Variants in ARMH4 observed in about 807,000 individuals in gnomAD.
ARMH4 encodes armadillo like helical domain containing 4.
A neutral mutation model predicts 61.9 loss-of-function variants in ARMH4; 49 were observed. The observed-to-expected ratio is 0.79, with a 90% CI of 0.63 to 1.00. ARMH4 has a LOEUF of 1.00. Among genes scored for constraint, ARMH4 ranks in the 50% least tolerant of loss-of-function variants. The probability of loss-of-function intolerance (pLI) is 0.00; values close to 1 mark genes in which losing one functional copy is unlikely to be tolerated. For missense variants in ARMH4, 934 were observed against 930.0 expected (o/e 1.00, Z -0.06); for synonymous variants, 368 against 341.5 (o/e 1.08, Z -0.85).
chr14:58,075,591 C>CACACACT (rs11282695), intron 5 of ARMH4, among the ~76,000 whole-genome samples: 10 of 151,250 alleles, frequency 6.6e-5, no homozygotes, highest in African/African-American at 2.2e-4. Flanking sequence ...CATCACACAC[C>CACACACT]GGGGCCTGTT....
intron 5 of ARMH4, among the ~76,000 whole-genome samples, chr14:58,047,204 T>C (rs1313452294): frequency 1.3e-5 from 2 of 152,224 alleles, no homozygotes; most frequent in Non-Finnish European, 1.5e-5. Context: ...CGTGGGATTA[T>C]CAGCTATGAA....
At chr14:58,143,730 C>T (rs1887639951) in intron 1 of ARMH4, among the ~76,000 whole-genome samples, 3 of 148,506 alleles carry the variant, frequency 2.0e-5, no homozygotes, top group East Asian at 2.0e-4. Context: ...TCCCAGAGTG[C>T]TAGGATTACA....
At position 58,144,461 on chromosome 14, in the gene ARMH4, C is replaced by T. The variant is rs149972102; in HGVS notation, c.-56-5047G>A. Reference sequence around the variant, plus strand: ...TCAGGAGGCTGAGGTGGGAGAATCACTTGAGCCCAGAAAGTCAAGGCTGCA... The same window carrying T: ...TCAGGAGGCTGAGGTGGGAGAATCATTTGAGCCCAGAAAGTCAAGGCTGCA... On this transcript the variant is annotated intron_variant, in intron 1 of 7. Transcript: ENST00000267485. 8.7e-3 allele frequency among the ~76,000 whole-genome samples: 1,322 copies of T among 152,282 alleles called. 20 individuals carry two copies. Among genetic ancestry groups the T allele is most frequent in the African/African-American group, 0.03 (1,241 of 41,532 alleles).
intron 5 of ARMH4, among the ~76,000 whole-genome samples, chr14:58,069,117 A>G (rs1431782509): frequency 1.3e-5 from 2 of 152,216 alleles, no homozygotes; most frequent in African/African-American, 4.8e-5. Context: ...TGAAGATATC[A>G]AAGACTTACC....
Position 58,096,944 on chromosome 14 carries a change from A to T in ARMH4, c.1869T>A (p.Asp623Glu). Reference sequence around the variant, plus strand: ...CCTCATCTTCCTCTTCTTCATCTTCATCTTCTTCATCCTCTTCATCCTCAT... The same window carrying T: ...CCTCATCTTCCTCTTCTTCATCTTCTTCTTCTTCATCCTCTTCATCCTCAT... ...QEDEDEEDEE[D>E]EDEEEEDEEE... The change falls in exon 5 of 8, where the codon GAT becomes GAA. Residue 623 changes from aspartate to glutamate, a missense_variant. Asp to Glu is a conservative substitution (Grantham distance 45). Coordinates refer to ENST00000267485, the MANE Select transcript of ARMH4 (RefSeq NM_001001872.4). 6.2e-7 allele frequency: 1 copy of T among 1,612,112 alleles called. No homozygotes were observed. Among genetic ancestry groups the T allele is most frequent in the South Asian group, 1.1e-5 (1 of 90,972 alleles).
intron 2 of ARMH4, among the ~76,000 whole-genome samples, chr14:58,135,194 C>T (rs8013760): frequency 0.18 from 26,957 of 152,000 alleles, 4,248 homozygotes; most frequent in African/African-American, 0.43. Context: ...CAATGTGAGT[C>T]AGGGTAAGGT....
intron 4 of ARMH4, among the ~76,000 whole-genome samples, chr14:58,129,089 G>GT (rs1886997751): frequency 6.6e-6 from 1 of 152,156 alleles, no homozygotes; most frequent in South Asian, 2.1e-4. Flanking sequence ...TCCAGACTGC[G>GT]TAAGAATAAA....
chr14:58,096,587 C>A, intron 5 of ARMH4, 137 bp downstream of exon 5: 1 of 897,130 alleles, frequency 1.1e-6, no homozygotes, highest in South Asian at 1.8e-5. Flanking sequence ...TCTTAACCAC[C>A]CATAAATGTA....
intron 4 of ARMH4, among the ~76,000 whole-genome samples, chr14:58,124,254 T>C (rs1886826085): frequency 6.6e-6 from 1 of 152,156 alleles, no homozygotes; most frequent in African/African-American, 2.4e-5. Context: ...CAAGCCCCAG[T>C]GTTAAGCTTG....
chr14:58,078,886 CAT>C (rs1885133002), intron 5 of ARMH4, among the ~76,000 whole-genome samples: 1 of 152,206 alleles, frequency 6.6e-6, no homozygotes, highest in Non-Finnish European at 1.5e-5. Context: ...CTGGTTGAAA[CAT>C]AGGCATATGA....
At chr14:58,088,618 T>C (rs1405432446) in intron 5 of ARMH4, among the ~76,000 whole-genome samples, 1 of 152,262 alleles carries the variant, frequency 6.6e-6, no homozygotes, top group African/African-American at 2.4e-5. Flanking sequence ...GGCAGATACC[T>C]ACTTGAAGAA....
At chr14:58,137,353 A>G (rs1887337091) in intron 2 of ARMH4, among the ~76,000 whole-genome samples, 1 of 152,206 alleles carries the variant, frequency 6.6e-6, no homozygotes, top group South Asian at 2.1e-4. Context: ...CCCCAGTTAA[A>G]GAACACTGGT....
At chr14:58,065,490 C>G (rs1884674694) in intron 5 of ARMH4, among the ~76,000 whole-genome samples, 1 of 152,154 alleles carries the variant, frequency 6.6e-6, no homozygotes, top group Non-Finnish European at 1.5e-5. Flanking sequence ...TACAGCATAC[C>G]CTCGACAGAG....
chr14:58,087,355 T>G (rs1885416765), intron 5 of ARMH4, among the ~76,000 whole-genome samples: 1 of 152,154 alleles, frequency 6.6e-6, no homozygotes, highest in South Asian at 2.1e-4. Context: ...TAATTTTTCT[T>G]CCTCAACATA....
chr14:58,073,972 A>C (rs994200040), intron 5 of ARMH4, among the ~76,000 whole-genome samples: 3 of 152,236 alleles, frequency 2.0e-5, no homozygotes, highest in East Asian at 3.8e-4. Flanking sequence ...AATTTAACAA[A>C]GTATCATCTC....
At chr14:58,127,439 C>T (rs1156280963) in intron 4 of ARMH4, among the ~76,000 whole-genome samples, 3 of 152,154 alleles carry the variant, frequency 2.0e-5, no homozygotes, top group Non-Finnish European at 4.4e-5. Context: ...TACTCCTTTG[C>T]CTTTCGCCAT....
chr14:58,067,240 T>C (rs1884733715), intron 5 of ARMH4, among the ~76,000 whole-genome samples: 1 of 152,242 alleles, frequency 6.6e-6, no homozygotes, highest in African/African-American at 2.4e-5. Context: ...GTCTGAAAGT[T>C]TCATTTATTT....
At chr14:58,021,789 G>A (rs560708691) in intron 5 of ARMH4, among the ~76,000 whole-genome samples, 4 of 152,314 alleles carry the variant, frequency 2.6e-5, no homozygotes, top group South Asian at 4.1e-4. Context: ...AAACAACCCA[G>A]AAGAGCTCGT....
At chr14:58,108,965 A>G (rs973865215) in intron 4 of ARMH4, among the ~76,000 whole-genome samples, 1 of 152,152 alleles carries the variant, frequency 6.6e-6, no homozygotes, top group Non-Finnish European at 1.5e-5. Flanking sequence ...TATCTGTGTG[A>G]GATGCCTACT....
Sources: allele counts gnomAD v4.1 joint callset (sites outside exome capture counted in the v4.1 genomes callset), GRCh38; gene constraint gnomAD v4.1.1; transcripts MANE v1.5; gene names NCBI Gene and HGNC (gene_info 2026-07-23, HGNC 2026-07-21).